Variants in MBTPS1 observed in about 807,000 individuals in gnomAD.
MBTPS1 encodes membrane-bound transcription factor site-1 protease.
Under a neutral mutation model 127.8 loss-of-function variants are expected in MBTPS1, and 94 were observed. The observed-to-expected ratio is 0.74, with a 90% CI of 0.62 to 0.87. The LOEUF (loss-of-function observed/expected upper bound fraction) is 0.87, where lower values mean the gene tolerates loss of function less well. Ranked by LOEUF, MBTPS1 falls within the 40% of genes least tolerant of loss-of-function variation. The pLI is 0.00. For synonymous variants in MBTPS1, 632 were observed against 509.4 expected, an observed-to-expected ratio of 1.24 and a Z score of -3.24; for missense variants, 1,636 against 1,353.2, an observed-to-expected ratio of 1.21 and a Z score of -3.28.
chr16:84,055,067 C>T (rs1279795362), intron 22 of MBTPS1, among the ~76,000 whole-genome samples: 2 of 152,076 alleles, frequency 1.3e-5, no homozygotes, highest in East Asian at 1.9e-4. Flanking sequence ...AGAAAGGGGG[C>T]GTGGCGGAAG....
chr16:84,071,436 G>A (rs1597316289), intron 12 of MBTPS1, among the ~76,000 whole-genome samples: 1 of 152,202 alleles, frequency 6.6e-6, no homozygotes, highest in African/African-American at 2.4e-5. Flanking sequence ...AAGTAAGCCA[G>A]TGGGTTAAGA....
chr16:84,098,611 AAAAT>A (rs1449300152), intron 3 of MBTPS1, among the ~76,000 whole-genome samples: 4 of 152,172 alleles, frequency 2.6e-5, no homozygotes, highest in African/African-American at 7.2e-5. Context: ...CCGTCTCAAA[AAAAT>A]AAATAAATAA....
intron 12 of MBTPS1, chr16:84,072,256 T>G (rs1163072972): frequency 6.6e-6 from 1 of 151,904 alleles, no homozygotes; most frequent in African/African-American, 2.4e-5. Flanking sequence ...ATGTGAGAAG[T>G]CCAGAACAGG....
intron 10 of MBTPS1, among the ~76,000 whole-genome samples, chr16:84,084,418 TC>T (rs950323514): frequency 9.2e-5 from 14 of 152,040 alleles, no homozygotes; most frequent in Admixed American, 9.2e-4. Context: ...AAAAGGTGAG[TC>T]CCCTTCACAA....
At chr16:84,095,533 G>T in intron 4 of MBTPS1, 69 bp downstream of exon 4, 1 of 1,543,998 alleles carries the variant, frequency 6.5e-7, no homozygotes. Flanking sequence ...TGGACTTTCC[G>T]CGCCTTCCCT....
intron 1 of MBTPS1, among the ~76,000 whole-genome samples, chr16:84,103,740 A>T (rs1158038767): frequency 1.3e-5 from 2 of 152,192 alleles, no homozygotes; most frequent in Non-Finnish European, 2.9e-5. Flanking sequence ...GGGTTAAAAT[A>T]TCCAAAAAAC....
intron 12 of MBTPS1, among the ~76,000 whole-genome samples, chr16:84,073,302 T>A (rs188856025): frequency 2.6e-4 from 39 of 152,132 alleles, no homozygotes; most frequent in African/African-American, 8.7e-4. Flanking sequence ...CCCAGCTGAT[T>A]TTTGTATTTT....
At chr16:84,087,551 A>G (rs765567298) in intron 8 of MBTPS1, 91 bp from the exon 9 acceptor site, 5 of 800,888 alleles carry the variant, frequency 6.2e-6, no homozygotes, top group South Asian at 1.6e-5. Flanking sequence ...CAGGGCGAAT[A>G]CTCCCAGAAC....
intron 4 of MBTPS1, 139 bp downstream of exon 4, chr16:84,095,463 A>C: frequency 1.2e-6 from 1 of 807,584 alleles, no homozygotes; most frequent in South Asian, 1.7e-5. Flanking sequence ...AGAAGGTTAG[A>C]TGTGGAAGGC....
chr16:84,074,567 G>C (rs1229759172), intron 12 of MBTPS1, 30 bp downstream of exon 12: 18 of 1,607,970 alleles, frequency 1.1e-5, no homozygotes, highest in Admixed American at 3.3e-5. Flanking sequence ...TCACCATCAA[G>C]TCAGAGACCA....
intron 18 of MBTPS1, among the ~76,000 whole-genome samples, chr16:84,065,439 T>TCCCGGCC: frequency 6.6e-6 from 1 of 152,278 alleles, no homozygotes; most frequent in Non-Finnish European, 1.5e-5. Flanking sequence ...AAATGTCGAA[T>TCCCGGCC]GGGCATGGGA....
chr16:84,061,279 A>G lies in MBTPS1; in HGVS notation c.2573-466T>C, dbSNP rs368517563. ...ATAAGACATGCATTCTCAGTGGCCCAGCCCAGCCAGATAAGCACACACAGC... is the reference window on the plus strand; with the variant it reads ...ATAAGACATGCATTCTCAGTGGCCCGGCCCAGCCAGATAAGCACACACAGC... On this transcript the variant is annotated intron_variant, in intron 19 of 22. Transcript: ENST00000343411. The G allele has an allele frequency of 9.7e-4, 152 of 157,054 alleles. 5 individuals carry two copies. In the South Asian group the frequency reaches 0.026, roughly 27 times the overall value. The allele number at this position is 157,054 out of a possible 1,614,324, so 9.7% of individuals were successfully genotyped here.
At chr16:84,087,500 G>GA (rs11312336) in intron 8 of MBTPS1, 40 bp from the exon 9 acceptor site, 9 of 1,270,130 alleles carry the variant, frequency 7.1e-6, no homozygotes, top group Admixed American at 2.1e-5. Context: ...AAAAGAAAAA[G>GA]AAAAAAACAA....
In MBTPS1 at chr16:84,063,395, A is replaced by G. The variant is rs898073325; in HGVS notation, c.2482T>C (p.Leu828=). 4.3e-6 allele frequency: 7 copies of G among 1,614,060 alleles called. No homozygotes were observed. The African/African-American group carries it at 9.3e-5, about 22-fold the overall frequency. Residue 828 remains leucine, a synonymous_variant, in exon 19 of 23, where the codon TTG becomes CTG. Coordinates refer to ENST00000343411, the MANE Select transcript of MBTPS1 (RefSeq NM_003791.4). The part of the protein sequence containing the change: ...ETAVVENVPI[L]GLYQIPAEGG... ...TCAGCTGGAATCTGATAAAGTCCCA[A>G]AATGGGGACGTTTTCAACAACTGCT...
At chr16:84,061,617 A>C (rs144783722) in intron 19 of MBTPS1, 1 of 152,408 alleles carries the variant, frequency 6.6e-6, no homozygotes, top group East Asian at 1.9e-4. Flanking sequence ...ACACCCATGC[A>C]GCATCTGTTC....
At chr16:84,084,864 A>T in intron 10 of MBTPS1, 119 bp downstream of exon 10, 1 of 996,580 alleles carries the variant, frequency 1.0e-6, no homozygotes, top group Non-Finnish European at 1.5e-6. Context: ...CAAGGCTGTG[A>T]AGGGCCTAAG....
intron 1 of MBTPS1, among the ~76,000 whole-genome samples, chr16:84,115,064 G>C (rs1225795197): frequency 6.6e-6 from 1 of 151,986 alleles, no homozygotes; most frequent in Non-Finnish European, 1.5e-5. Flanking sequence ...GAGTAGCTGG[G>C]ATTACAGGCG....
intron 3 of MBTPS1, among the ~76,000 whole-genome samples, chr16:84,096,308 T>C (rs2086179526): frequency 6.6e-6 from 1 of 152,240 alleles, no homozygotes; most frequent in Non-Finnish European, 1.5e-5. Context: ...TATTCTTATC[T>C]GCTAGAATTT....
At chr16:84,113,601 A>G (rs1185221641) in intron 1 of MBTPS1, among the ~76,000 whole-genome samples, 3 of 152,268 alleles carry the variant, frequency 2.0e-5, no homozygotes, top group Non-Finnish European at 4.4e-5. Context: ...AATTTTCACA[A>G]TAAAAGAATA....
Sources: gnomAD v4.1 joint callset for allele counts (sites outside exome capture counted in the v4.1 genomes callset) on GRCh38, gnomAD v4.1.1 for gene constraint, MANE v1.5 for transcripts, NCBI Gene and HGNC (gene_info 2026-07-23, HGNC 2026-07-21) for gene names.